The following FRMD3 variants were observed in gnomAD, a reference collection of about 807,000 sequenced individuals.
FRMD3 encodes the protein FERM domain-containing protein 3.
In FRMD3, 33 loss-of-function variants were observed where a neutral mutation model predicts 70.2. The ratio of observed to expected loss-of-function variants is 0.47; its 90% CI spans 0.36 to 0.63. FRMD3 has a LOEUF of 0.63. Among genes scored for constraint, FRMD3 ranks in the 20% least tolerant of loss-of-function variants. The probability of loss-of-function intolerance (pLI) is 0.00; values close to 1 mark genes in which losing one functional copy is unlikely to be tolerated. For missense variants in FRMD3, 632 were observed against 711.4 expected (o/e 0.89, Z 1.27); for synonymous variants, 279 against 255.9 (o/e 1.09, Z -0.86).
intron 6 of FRMD3, among the ~76,000 whole-genome samples, chr9:83,330,295 T>A (rs1587732179): frequency 7.0e-6 from 1 of 142,490 alleles, no homozygotes; most frequent in African/African-American, 2.6e-5. Context: ...ACCCAGGAGG[T>A]GGAGGTTGCG....
At chr9:83,494,105 T>C (rs1828888568) in intron 1 of FRMD3, among the ~76,000 whole-genome samples, 1 of 152,164 alleles carries the variant, frequency 6.6e-6, no homozygotes. Context: ...GGTGTAGCAG[T>C]GCCAACAATG....
At chr9:83,555,941 G>A in the FRMD3 span, among the ~76,000 whole-genome samples, 2 of 152,204 alleles carry the variant, frequency 1.3e-5, no homozygotes, top group Non-Finnish European at 2.9e-5. Context: ...GGTCTAGGGA[G>A]GATCCCCTGG....
At chr9:83,544,690 C>G in the FRMD3 span, among the ~76,000 whole-genome samples, 1 of 152,188 alleles carries the variant, frequency 6.6e-6, no homozygotes, top group Non-Finnish European at 1.5e-5. Flanking sequence ...TCCGTCTTTA[C>G]AGGAGACTGA....
chr9:83,350,635 A>G (rs1485870199), intron 3 of FRMD3: 14 of 463,194 alleles, frequency 3.0e-5, no homozygotes, highest in East Asian at 1.5e-4. Flanking sequence ...AAAAAAAAAA[A>G]AAAGAAAGAA....
the FRMD3 span, among the ~76,000 whole-genome samples, chr9:83,556,601 T>G: frequency 6.6e-6 from 1 of 152,256 alleles, no homozygotes; most frequent in Non-Finnish European, 1.5e-5. Flanking sequence ...GACTGATTTT[T>G]TATGAATTCT....
intron 1 of FRMD3, among the ~76,000 whole-genome samples, chr9:83,414,310 A>G (rs1299660227): frequency 2.0e-5 from 3 of 152,228 alleles, no homozygotes; most frequent in Non-Finnish European, 4.4e-5. Flanking sequence ...TTAAACTTCA[A>G]TCAAGCTGTT....
rs183077291 is a variant in FRMD3, at chr9:83,537,241, C to T, written c.147+844G>A. On this transcript the variant is annotated intron_variant, in intron 1 of 13. Coordinates refer to ENST00000304195, the MANE Select transcript of FRMD3 (RefSeq NM_174938.6). The surrounding 1 kb of genome is among the most constrained non-coding windows in gnomAD (Gnocchi z 4.1). ...CCTGACAGCCCAGAGGCACTTACTACCCGAGGACAGGGCTGCCAGCAAAGC... is the reference window on the plus strand; with the variant it reads ...CCTGACAGCCCAGAGGCACTTACTATCCGAGGACAGGGCTGCCAGCAAAGC... Among the ~76,000 whole-genome samples the T allele has an allele frequency of 6.6e-6, 1 of 152,180 alleles. No homozygotes were observed. The highest frequency in any genetic ancestry group is 2.1e-4 in the South Asian group (1 of 4,830).
chr9:83,525,232 G>T (rs1426667113), intron 1 of FRMD3, among the ~76,000 whole-genome samples: 4 of 152,124 alleles, frequency 2.6e-5, no homozygotes, highest in African/African-American at 2.4e-5. Flanking sequence ...GCCATACCCT[G>T]ATCTGTTAAC....
At chr9:83,300,840 CAG>C (rs1834894054) in intron 10 of FRMD3, among the ~76,000 whole-genome samples, 1 of 152,136 alleles carries the variant, frequency 6.6e-6, no homozygotes, top group Non-Finnish European at 1.5e-5. Flanking sequence ...CAAACTTGGA[CAG>C]AGAGCCAGAA....
intron 1 of FRMD3, among the ~76,000 whole-genome samples, chr9:83,447,715 G>A (rs1827522869): frequency 6.6e-6 from 1 of 152,158 alleles, no homozygotes; most frequent in Non-Finnish European, 1.5e-5. Flanking sequence ...AGGGCACAGA[G>A]GCCAGAAAAT....
intron 8 of FRMD3, among the ~76,000 whole-genome samples, chr9:83,311,461 C>T (rs537338378): frequency 2.6e-5 from 4 of 152,134 alleles, no homozygotes; most frequent in Non-Finnish European, 2.9e-5. Context: ...AGCATCTTCA[C>T]GGATACACTG....
chr9:83,520,224 C>A (rs114359912), intron 1 of FRMD3, among the ~76,000 whole-genome samples: 14 of 152,260 alleles, frequency 9.2e-5, no homozygotes, highest in Middle Eastern at 3.4e-3. Flanking sequence ...TCCTTCCCCC[C>A]CTGGACTTCA....
the FRMD3 span, among the ~76,000 whole-genome samples, chr9:83,567,676 T>C: frequency 2.6e-5 from 4 of 152,250 alleles, no homozygotes; most frequent in African/African-American, 7.2e-5. Context: ...TCCCAAAATC[T>C]CTAGGGCAGG....
chr9:83,411,192 TAA>T (rs1826268665), intron 1 of FRMD3, among the ~76,000 whole-genome samples: 1 of 152,240 alleles, frequency 6.6e-6, no homozygotes, highest in South Asian at 2.1e-4. Context: ...AGGCATTTCA[TAA>T]AGTCATTTGG....
intron 1 of FRMD3, among the ~76,000 whole-genome samples, chr9:83,496,420 C>T (rs1432257285): frequency 1.3e-5 from 2 of 152,144 alleles, no homozygotes; most frequent in South Asian, 2.1e-4. Context: ...CATCACTCAA[C>T]CAACTTGATT....
At chr9:83,448,344 G>C (rs1827541373) in intron 1 of FRMD3, among the ~76,000 whole-genome samples, 1 of 152,130 alleles carries the variant, frequency 6.6e-6, no homozygotes, top group Non-Finnish European at 1.5e-5. Context: ...CAGCACATAT[G>C]GCCCATCCCA....
Position 83,248,032 on chromosome 9 carries a change from G to A in FRMD3, c.1680C>T (p.Cys560=), listed in dbSNP as rs199704575. The change falls in exon 14 of 14, where the codon TGC becomes TGT. Residue 560 remains cysteine (C), a synonymous_variant. Coordinates refer to ENST00000304195, the MANE Select transcript of FRMD3 (RefSeq NM_174938.6). ...CAAACTCTGGTGTCTGGCGGATTTC[G>A]CATAAGAAGGAGAGATCAATACCTG... ...LESGIDLSFL[C]EIRQTPEFEQ... is the part of the protein sequence containing the mutation. 131 of 1,614,118 alleles carry A rather than the reference G, an allele frequency of 8.1e-5. No individual in the cohort carries two copies. In the African/African-American group the frequency reaches 8.5e-4, roughly 11 times the overall value.
intron 2 of FRMD3, among the ~76,000 whole-genome samples, chr9:83,385,953 A>T (rs1045013638): frequency 3.9e-5 from 6 of 152,122 alleles, no homozygotes; most frequent in African/African-American, 1.4e-4. Flanking sequence ...GTGTTTCCTC[A>T]TGTCTCACCT....
chr9:83,575,755 A>G, the FRMD3 span, among the ~76,000 whole-genome samples: 1 of 152,222 alleles, frequency 6.6e-6, no homozygotes, highest in Admixed American at 6.5e-5. Context: ...TTGAATTACT[A>G]GCTTTTAAAC....
Sources: gnomAD v4.1 joint callset for allele counts (sites outside exome capture counted in the v4.1 genomes callset) on GRCh38, gnomAD v4.1.1 for gene constraint, Gnocchi (gnomAD v3.1) non-coding constraint, MANE v1.5 for transcripts, NCBI Gene and HGNC (gene_info 2026-07-23, HGNC 2026-07-21) for gene names.